COA1: variants seen among roughly 807,000 people sequenced by gnomAD.
COA1 encodes the protein cytochrome c oxidase assembly factor 1, also known as cytochrome c oxidase assembly factor 1 homolog.
A neutral mutation model predicts 16.0 loss-of-function variants in COA1; 13 were observed. The ratio of observed to expected loss-of-function variants is 0.81; its 90% confidence interval spans 0.53 to 1.29. The LOEUF (loss-of-function observed/expected upper bound fraction) is 1.29, where lower values mean the gene tolerates loss of function less well. Ranked by LOEUF, COA1 falls within the 50% of genes most tolerant of loss-of-function variation. The pLI, the probability that COA1 is intolerant of heterozygous loss-of-function variation, is 0.00. For missense variants in COA1, 179 were observed against 177.0 expected, an observed-to-expected ratio of 1.01 and a Z score of -0.06; for synonymous variants, 65 against 65.7, an observed-to-expected ratio of 0.99 and a Z score of 0.05.
At position 43,683,993 on chromosome 7, in the gene COA1, G is replaced by A. The variant is rs75533075; in HGVS notation, c.-38-35341C>T. Among the ~76,000 whole-genome samples, 569 of 152,260 alleles carry A rather than the reference G, an allele frequency of 3.7e-3. 1 individual carries two copies. Among genetic ancestry groups the A allele is most frequent in the African/African-American group, 7.2e-3 (300 of 41,532 alleles). ...CAATTAGGGATGACTCAATGGGACCGGAATCATTTGAGGAAATCACTTACA... is the reference window on the plus strand; with the variant it reads ...CAATTAGGGATGACTCAATGGGACCAGAATCATTTGAGGAAATCACTTACA... On this transcript the variant is annotated intron_variant, in intron 1 of 5. Transcript: ENST00000223336.
chr7:43,669,253 G>C (rs540610862), intron 1 of COA1, among the ~76,000 whole-genome samples: 28 of 152,280 alleles, frequency 1.8e-4, no homozygotes, highest in African/African-American at 5.5e-4. Flanking sequence ...TAGGCAGCTA[G>C]GAAAAGGGGT....
chr7:43,630,586 C>T (rs1404551234), intron 6 of COA1, among the ~76,000 whole-genome samples: 1 of 152,114 alleles, frequency 6.6e-6, no homozygotes, highest in Non-Finnish European at 1.5e-5. Flanking sequence ...CTTTTTTTCT[C>T]TAAGCCAATA....
exon 7 of COA1, chr7:43,608,546 T>C (rs920533556): frequency 2.3e-5 from 20 of 868,322 alleles, no homozygotes; most frequent in Non-Finnish European, 3.4e-5. Context: ...TCCTATCCTC[T>C]AGCCAGTTAG....
chr7:43,686,367 C>T (rs1297891477), intron 1 of COA1, among the ~76,000 whole-genome samples: 1 of 141,110 alleles, frequency 7.1e-6, no homozygotes, highest in Non-Finnish European at 1.5e-5. Flanking sequence ...AGTGCTGTGG[C>T]GCGATCTCCG....
At chr7:43,725,571 A>C (rs1438389408) in intron 1 of COA1, among the ~76,000 whole-genome samples, 1 of 152,150 alleles carries the variant, frequency 6.6e-6, no homozygotes, top group Non-Finnish European at 1.5e-5. Flanking sequence ...AAATACTTTT[A>C]CTACTGGCTG....
At chr7:43,611,695 G>A (rs1042820177) in intron 6 of COA1, among the ~76,000 whole-genome samples, 1 of 152,216 alleles carries the variant, frequency 6.6e-6, no homozygotes, top group African/African-American at 2.4e-5. Flanking sequence ...TAGCCATGCA[G>A]AGGAATTCCC....
At chr7:43,694,695 A>ACTCTGGACTTT (rs1346856610) in intron 1 of COA1, among the ~76,000 whole-genome samples, 3 of 152,056 alleles carry the variant, frequency 2.0e-5, no homozygotes, top group Non-Finnish European at 2.9e-5. Flanking sequence ...CCCAGGGCTC[A>ACTCTGGACTTT]CTCTGGACTT....
At position 43,646,421 on chromosome 7, in the gene COA1, C is replaced by G. The variant is rs2089316151; in HGVS notation, c.116-1022G>C. The G allele has an allele frequency of 1.1e-5, 4 of 378,004 alleles. No individual in the cohort carries two copies. In the Admixed American group the frequency reaches 1.2e-4, roughly 12 times the overall value. 23.4% of individuals were successfully genotyped at this position (378,004 alleles called of 1,614,324 possible). Reference sequence around the variant, plus strand: ...TCAATTCTCACCTCATACACAAGCACTAACATTACCACACATCACACCAAT... The same window carrying G: ...TCAATTCTCACCTCATACACAAGCAGTAACATTACCACACATCACACCAAT... On this transcript the variant is annotated intron_variant, in intron 3 of 5. Transcript: ENST00000223336.
chr7:43,624,573 A>C, intron 6 of COA1: 1 of 1,614,148 alleles, frequency 6.2e-7, no homozygotes, highest in Non-Finnish European at 8.5e-7. Flanking sequence ...ACAGAGCAGT[A>C]TTCAAGAGCC....
chr7:43,728,174 C>T (rs1461811357), intron 1 of COA1, among the ~76,000 whole-genome samples: 15 of 152,110 alleles, frequency 9.9e-5, no homozygotes, highest in Admixed American at 9.8e-4. Context: ...CGGGGTTTCA[C>T]CGTGTTAGCC....
chr7:43,684,032 A>C (rs935920001), intron 1 of COA1, among the ~76,000 whole-genome samples: 2 of 152,188 alleles, frequency 1.3e-5, no homozygotes, highest in East Asian at 3.8e-4. Flanking sequence ...GCGATTGTTG[A>C]TGCTACTGTC....
chr7:43,704,448 T>C (rs1319374060), intron 1 of COA1, among the ~76,000 whole-genome samples: 1 of 152,242 alleles, frequency 6.6e-6, no homozygotes, highest in Admixed American at 6.5e-5. Flanking sequence ...CTTTCAGGAA[T>C]GCCAATGAGT....
intron 1 of COA1, among the ~76,000 whole-genome samples, chr7:43,674,019 G>T (rs1200037778): frequency 6.6e-6 from 1 of 152,098 alleles, no homozygotes; most frequent in African/African-American, 2.4e-5. Context: ...AGGGAGGAAG[G>T]TAAGGACAGA....
intron 1 of COA1, among the ~76,000 whole-genome samples, chr7:43,699,433 CCTA>C (rs1438069272): frequency 2.0e-5 from 3 of 152,062 alleles, no homozygotes; most frequent in Non-Finnish European, 4.4e-5. Flanking sequence ...GCAGAGCCAA[CCTA>C]CTATTTGTTT....
intron 1 of COA1, among the ~76,000 whole-genome samples, chr7:43,725,465 AATCTTGGCCATTATATGTAAACAG>A (rs1446000190): frequency 6.6e-6 from 1 of 152,218 alleles, no homozygotes; most frequent in Non-Finnish European, 1.5e-5. Flanking sequence ...GAAAGAATGA[AATCTTGGCCATTATATGTAAACAG>A]AGAGATGCAA....
chr7:43,673,105 G>A (rs566439613), intron 1 of COA1, among the ~76,000 whole-genome samples: 59 of 152,286 alleles, frequency 3.9e-4, no homozygotes, highest in African/African-American at 1.3e-3. Flanking sequence ...CATAGGACAC[G>A]GCAAAGATTT....
At chr7:43,648,980 G>C (rs568767670) in intron 1 of COA1, 1 of 217,946 alleles carries the variant, frequency 4.6e-6, no homozygotes, top group South Asian at 1.1e-4. Context: ...ATCAACAGGA[G>C]GCTGGACCTG....
chr7:43,623,817 TGAG>T, intron 6 of COA1: 1 of 1,604,084 alleles, frequency 6.2e-7, no homozygotes, highest in South Asian at 1.1e-5. Flanking sequence ...TAAGTTATTC[TGAG>T]GAAGAATTTG....
intron 1 of COA1, among the ~76,000 whole-genome samples, chr7:43,686,272 AC>A (rs1246187628): frequency 1.7e-4 from 25 of 146,156 alleles, no homozygotes; most frequent in African/African-American, 5.6e-4. Context: ...TTCTGGAGGT[AC>A]TGTGTTCTGG....
Sources: allele counts gnomAD v4.1 joint callset (sites outside exome capture counted in the v4.1 genomes callset), GRCh38; gene constraint gnomAD v4.1.1; transcripts MANE v1.5; gene names NCBI Gene and HGNC (gene_info 2026-07-23, HGNC 2026-07-21).